NAALADL2: variants seen among roughly 807,000 people sequenced by gnomAD.
NAALADL2 encodes N-acetylated alpha-linked acidic dipeptidase like 2.
In NAALADL2, 76 loss-of-function variants were observed where a neutral mutation model predicts 87.2. The ratio of observed to expected loss-of-function variants is 0.87; its 90% CI spans 0.72 to 1.05. The LOEUF (loss-of-function observed/expected upper bound fraction) is 1.05, where lower values mean the gene tolerates loss of function less well. NAALADL2 is among the 50% of genes least tolerant of loss of function. The pLI, the probability that NAALADL2 is intolerant of heterozygous loss-of-function variation, is 0.00. For missense variants in NAALADL2, 1,089 were observed against 945.8 expected (o/e 1.15, Z -1.99); for synonymous variants, 354 against 331.0 (o/e 1.07, Z -0.75).
chr3:175,004,470 T>A (rs540110455), intron 1 of NAALADL2, among the ~76,000 whole-genome samples: 1 of 151,790 alleles, frequency 6.6e-6, no homozygotes, highest in Non-Finnish European at 1.5e-5. Flanking sequence ...GTGGCGTTTG[T>A]TTAACAGCTA....
intron 2 of NAALADL2, among the ~76,000 whole-genome samples, chr3:174,693,485 A>C (rs564920525): frequency 6.6e-6 from 1 of 152,256 alleles, no homozygotes; most frequent in Non-Finnish European, 1.5e-5. Context: ...AGGATCTATG[A>C]CCAGAAAGCT....
chr3:175,467,338 G>T (rs1424329998), intron 8 of NAALADL2, among the ~76,000 whole-genome samples, 154 bp downstream of exon 8: 1 of 151,836 alleles, frequency 6.6e-6, no homozygotes, highest in Non-Finnish European at 1.5e-5. Flanking sequence ...TAATAATATG[G>T]AATTAGAGCT....
chr3:175,387,304 T>C (rs1245661063), intron 5 of NAALADL2, among the ~76,000 whole-genome samples: 4 of 152,236 alleles, frequency 2.6e-5, no homozygotes, highest in African/African-American at 9.6e-5. Flanking sequence ...CATAAGAGTA[T>C]TACAAAATTA....
At chr3:174,791,748 T>A (rs1717474820) in intron 3 of NAALADL2, among the ~76,000 whole-genome samples, 1 of 152,208 alleles carries the variant, frequency 6.6e-6, no homozygotes, top group Non-Finnish European at 1.5e-5. Flanking sequence ...TATATCCTCA[T>A]GTATATAATA....
rs191597123 is a variant in NAALADL2, at chr3:174,617,084, G to A, written c.-115+66447G>A. ...GTATGGGTATTAAATACCCTGCTGC[G>A]ACACAGGACTACAAAGATCAATGAA... On this transcript the variant is annotated intron_variant, in intron 2 of 3. Transcript: ENST00000434257. Among the ~76,000 whole-genome samples the A allele has an allele frequency of 2.6e-3, 402 of 151,742 alleles. 3 individuals are homozygous for A. The highest frequency in any genetic ancestry group is 9.5e-3 in the African/African-American group (393 of 41,486).
At chr3:175,496,669 C>T (rs1274135946) in intron 9 of NAALADL2, among the ~76,000 whole-genome samples, 1 of 152,066 alleles carries the variant, frequency 6.6e-6, no homozygotes, top group Non-Finnish European at 1.5e-5. Flanking sequence ...TCTCTCCCAC[C>T]TCAACCTTCG....
intron 11 of NAALADL2, among the ~76,000 whole-genome samples, chr3:175,697,483 G>A (rs558570594): frequency 6.6e-6 from 1 of 151,292 alleles, no homozygotes; most frequent in African/African-American, 2.4e-5. Flanking sequence ...AGGTGTAGTA[G>A]TTGAGTTAGA....
chr3:175,014,901 G>A (rs749063125), intron 1 of NAALADL2, among the ~76,000 whole-genome samples: 21 of 150,826 alleles, frequency 1.4e-4, no homozygotes, highest in Non-Finnish European at 2.2e-4. Context: ...CTTCTCTTTC[G>A]TAAGGGGACT....
intron 3 of NAALADL2, among the ~76,000 whole-genome samples, chr3:175,251,428 A>T: frequency 6.6e-6 from 1 of 152,226 alleles, no homozygotes; most frequent in East Asian, 1.9e-4. Flanking sequence ...TTATGTGCCA[A>T]GGCAGTCCTT....
intron 1 of NAALADL2, among the ~76,000 whole-genome samples, chr3:175,096,126 C>G (rs117011677): frequency 5.9e-5 from 9 of 152,144 alleles, no homozygotes; most frequent in Admixed American, 5.9e-4. Flanking sequence ...ATTCATGTCA[C>G]TAATTTCTTG....
chr3:175,499,486 A>T (rs930098045), intron 9 of NAALADL2, among the ~76,000 whole-genome samples: 1 of 149,962 alleles, frequency 6.7e-6, no homozygotes, highest in African/African-American at 2.4e-5. Flanking sequence ...AACCTAAGGA[A>T]TTTTTTTTTT....
intron 1 of NAALADL2, among the ~76,000 whole-genome samples, chr3:174,475,165 G>GA (rs1052875461): frequency 1.1e-4 from 16 of 147,618 alleles, no homozygotes; most frequent in African/African-American, 3.5e-4. Context: ...TGGTAAATTA[G>GA]AAAAAAAAAT....
At chr3:175,093,260 A>G (rs1323420539) in intron 1 of NAALADL2, among the ~76,000 whole-genome samples, 1 of 151,562 alleles carries the variant, frequency 6.6e-6, no homozygotes, top group Non-Finnish European at 1.5e-5. Context: ...ATAAAAAGAA[A>G]CGTGATATGT....
intron 1 of NAALADL2, among the ~76,000 whole-genome samples, chr3:175,003,524 A>G (rs1748533738): frequency 6.6e-6 from 1 of 152,226 alleles, no homozygotes; most frequent in African/African-American, 2.4e-5. Flanking sequence ...GCAGTTGTAT[A>G]ATACATGCCA....
At chr3:175,780,801 TAAG>T (rs1490687506) in intron 13 of NAALADL2, among the ~76,000 whole-genome samples, 1 of 152,222 alleles carries the variant, frequency 6.6e-6, no homozygotes, top group Non-Finnish European at 1.5e-5. Flanking sequence ...GTCAAGATTT[TAAG>T]AATAGGCATC....
At chr3:175,720,421 A>G (rs1449630171) in intron 11 of NAALADL2, among the ~76,000 whole-genome samples, 1 of 152,086 alleles carries the variant, frequency 6.6e-6, no homozygotes, top group Non-Finnish European at 1.5e-5. Flanking sequence ...GAAGTGAAAA[A>G]TAAATGTAAA....
At chr3:175,131,339 G>A (rs1226383884) in intron 2 of NAALADL2, among the ~76,000 whole-genome samples, 1 of 151,672 alleles carries the variant, frequency 6.6e-6, no homozygotes, top group African/African-American at 2.4e-5. Context: ...TTGAGATTAG[G>A]GAGTGGTGAT....
At chr3:174,686,868 A>G (rs182535177) in intron 2 of NAALADL2, among the ~76,000 whole-genome samples, 8 of 152,134 alleles carry the variant, frequency 5.3e-5, no homozygotes, top group Non-Finnish European at 1.0e-4. Context: ...CCTAAGCGGT[A>G]CCACTTAGGA....
At chr3:174,584,779 A>G (rs185282816) in intron 2 of NAALADL2, among the ~76,000 whole-genome samples, 2 of 152,244 alleles carry the variant, frequency 1.3e-5, no homozygotes, top group Admixed American at 6.5e-5. Context: ...TTGTGTATAA[A>G]TTGAAGCTCT....
Sources: allele counts gnomAD v4.1 joint callset (sites outside exome capture counted in the v4.1 genomes callset), GRCh38; gene constraint gnomAD v4.1.1; transcripts MANE v1.5; gene names NCBI Gene and HGNC (gene_info 2026-07-23, HGNC 2026-07-21).